PARP10: variants seen among roughly 807,000 people sequenced by gnomAD.
PARP10 encodes the protein poly(ADP-ribose) polymerase family member 10.
In PARP10, 56 loss-of-function variants were observed where a neutral mutation model predicts 82.4. That is an observed-to-expected ratio of 0.68 (90% confidence interval 0.55 to 0.85). The LOEUF (loss-of-function observed/expected upper bound fraction) is 0.85. Among genes scored for constraint, PARP10 ranks in the 40% least tolerant of loss-of-function variants. The probability of loss-of-function intolerance (pLI) is 0.00; values close to 1 mark genes in which losing one functional copy is unlikely to be tolerated. For synonymous variants in PARP10, 576 were observed against 601.1 expected (o/e 0.96, Z 0.61); for missense variants, 1,227 against 1,379.4 (o/e 0.89, Z 1.75).
chr8:143,993,718 G>A (rs147947145), upstream of PARP10, among the ~76,000 whole-genome samples: 1,558 of 152,322 alleles, frequency 0.01, 93 homozygotes, highest in Admixed American at 0.095. Context: ...CTCTTCTGTC[G>A]CCTGGGCCAG....
In PARP10 at chr8:143,977,732, A is replaced by T; in HGVS notation, c.2830T>A (p.Phe944Ile). The T allele has an allele frequency of 6.2e-7, 1 of 1,601,468 alleles. No homozygotes were observed. Among genetic ancestry groups the T allele is most frequent in the Non-Finnish European group, 8.5e-7 (1 of 1,174,874 alleles). Residue 944 changes from phenylalanine (F) to isoleucine (I), a missense_variant, in exon 11 of 11, where the codon TTC (phenylalanine) becomes ATC (isoleucine). Coordinates refer to ENST00000313028, the MANE Select transcript of PARP10 (RefSeq NM_032789.5). ...TCGCCAGTCAGCACCCGTGCCACGA[A>T]CACCGCCTTATGGCCATCGGCGTTG... ...PPNADGHKAV[F>I]VARVLTGDYG...
Position 143,984,204 on chromosome 8 carries a change from C to A in PARP10, c.1680+6G>T, listed in dbSNP as rs186868960. The stretch of plus-strand genomic sequence containing the variant: ...GGGGAGGGCAGGGGTGGGACTCCAT[C>A]TCTACCTCTTCAAGGCCTGTGTCCA... On this transcript the variant is annotated splice_donor_region_variant and intron_variant, in intron 6 of 10. Coordinates refer to ENST00000313028, the MANE Select transcript of PARP10 (RefSeq NM_032789.5). The A allele has an allele frequency of 6.2e-6, 10 of 1,610,890 alleles. No homozygotes were observed. In the East Asian group the frequency reaches 2.0e-4, roughly 32 times the overall value.
intron 1 of PARP10, among the ~76,000 whole-genome samples, chr8:144,001,351 C>T (rs1834201334): frequency 6.6e-6 from 1 of 152,178 alleles, no homozygotes; most frequent in Non-Finnish European, 1.5e-5. Flanking sequence ...TCTCAAGTAC[C>T]TGGGATTACA....
At chr8:143,992,895 C>T (rs1834125131), upstream of PARP10, 6 of 1,539,758 alleles carry the variant, frequency 3.9e-6, no homozygotes, top group Middle Eastern at 5.1e-4. Context: ...CTGGACCCTG[C>T]CCCTGGCACG....
At chr8:143,993,611 C>G (rs1834135729), upstream of PARP10, among the ~76,000 whole-genome samples, 1 of 152,224 alleles carries the variant, frequency 6.6e-6, no homozygotes, top group Admixed American at 6.5e-5. Flanking sequence ...CTGGGGTGCC[C>G]AGAGTGAGTT....
intron 9 of PARP10, among the ~76,000 whole-genome samples, chr8:143,981,445 TGAC>T (rs1564248650): frequency 1.4e-4 from 8 of 55,568 alleles, no homozygotes; most frequent in African/African-American, 8.7e-4. Flanking sequence ...ATGATGGTGG[TGAC>T]GACAGTGAGT....
intron 9 of PARP10, among the ~76,000 whole-genome samples, chr8:143,981,219 G>A (rs1554747612): frequency 6.6e-6 from 1 of 152,198 alleles, no homozygotes; most frequent in African/African-American, 2.4e-5. Context: ...CCTGGTGGCG[G>A]TGAGCGGTGA....
At chr8:143,986,506 G>C, upstream of PARP10, 1 of 1,276,618 alleles carries the variant, frequency 7.8e-7, no homozygotes, top group South Asian at 1.3e-5. Flanking sequence ...GGCCCTGGGC[G>C]CTGAGGCCTG....
intron 9 of PARP10, among the ~76,000 whole-genome samples, chr8:143,981,292 CGGTGGTGGTGGTAGT>C (rs880002037): frequency 4.6e-5 from 7 of 151,058 alleles, no homozygotes; most frequent in Non-Finnish European, 7.4e-5. Context: ...ATGGTGGCCA[CGGTGGTGGTGGTAGT>C]GGTGGTGGTG....
chr8:143,990,971 C>T (rs1370113156), upstream of PARP10: 2 of 296,258 alleles, frequency 6.8e-6, no homozygotes, highest in African/African-American at 4.4e-5. The surrounding 1 kb of genome is among the most constrained non-coding windows in gnomAD (Gnocchi z 5.6). Context: ...GGCCCCTCCC[C>T]CACCCTAAAG....
At chr8:144,010,356 G>T (rs782399909) in intron 1 of PARP10, among the ~76,000 whole-genome samples, 1 of 152,224 alleles carries the variant, frequency 6.6e-6, no homozygotes, top group Non-Finnish European at 1.5e-5. Context: ...GCCAACATAT[G>T]TTTTCGGATG....
intron 3 of PARP10, 35 bp downstream of exon 3, chr8:143,985,686 C>T (rs1564253419): frequency 6.2e-7 from 1 of 1,602,550 alleles, no homozygotes; most frequent in Non-Finnish European, 8.5e-7. Context: ...GGAATCCCCC[C>T]TAGCCAGCAC....
At chr8:144,009,498 T>A (rs1312442068) in intron 1 of PARP10, among the ~76,000 whole-genome samples, 1 of 152,114 alleles carries the variant, frequency 6.6e-6, no homozygotes, top group Non-Finnish European at 1.5e-5. Context: ...AGGCTTATTC[T>A]CTCTCATTCG....
At chr8:143,999,805 C>G (rs887398108) in intron 1 of PARP10, among the ~76,000 whole-genome samples, 1 of 151,930 alleles carries the variant, frequency 6.6e-6, no homozygotes, top group Non-Finnish European at 1.5e-5. Context: ...CAGGTTTAAG[C>G]AAATTAGAGA....
chr8:143,980,103 T>C (rs62530285), intron 9 of PARP10, among the ~76,000 whole-genome samples: 68,096 of 149,320 alleles, frequency 0.46, 16,570 homozygotes, highest in African/African-American at 0.63. Flanking sequence ...GGGCAGATCA[T>C]GAGGTCAGGA....
Position 143,986,438 on chromosome 8 carries a change from G to T in PARP10, c.-79C>A, listed in dbSNP as rs368695079. The T allele has an allele frequency of 3.1e-5, 50 of 1,610,100 alleles. No homozygotes were observed. The highest frequency in any genetic ancestry group is 2.4e-4 in the African/African-American group (18 of 74,834). On this transcript the variant is annotated 5_prime_UTR_variant, in exon 1 of 11. Coordinates refer to ENST00000313028, the MANE Select transcript of PARP10 (RefSeq NM_032789.5). ...CCTGCCCCTCAGCAAGCCTAACCCT[G>T]CTGGGAGCAGGAAAACAAAAGTGAA...
At chr8:143,999,088 C>A (rs1458688178) in intron 1 of PARP10, among the ~76,000 whole-genome samples, 4 of 151,472 alleles carry the variant, frequency 2.6e-5, no homozygotes, top group African/African-American at 9.7e-5. Flanking sequence ...GTTGACCATG[C>A]TGGAGTACAG....
chr8:143,992,631 C>G (rs782392315), upstream of PARP10: 1 of 1,614,016 alleles, frequency 6.2e-7, no homozygotes, highest in Non-Finnish European at 8.5e-7. Flanking sequence ...TGACCTTGGC[C>G]GGGGGCGGGA....
At position 143,985,108 on chromosome 8, in the gene PARP10, G is replaced by T. The variant is rs376883893; in HGVS notation, c.894C>A (p.Gly298=). 11 of 1,613,660 alleles carry T rather than the reference G, an allele frequency of 6.8e-6. No homozygotes were observed. The highest frequency in any genetic ancestry group is 1.1e-5 in the South Asian group (1 of 91,080). The change falls in exon 5 of 11, where the codon GGC becomes GGA. Residue 298 remains glycine (G), a synonymous_variant. Coordinates refer to ENST00000313028, the MANE Select transcript of PARP10 (RefSeq NM_032789.5). ...AGGCCCCTGACTGCCCTGGTTCCTCGCCAGAGCCCATTGTCACAGTCCCTG... is the reference window on the plus strand; with the variant it reads ...AGGCCCCTGACTGCCCTGGTTCCTCTCCAGAGCCCATTGTCACAGTCCCTG... ...QGAGTVTMGS[G]EEPGQSGASL... is the part of the protein sequence containing the mutation.
Sources: allele counts gnomAD v4.1 joint callset (sites outside exome capture counted in the v4.1 genomes callset), GRCh38; gene constraint gnomAD v4.1.1; non-coding constraint Gnocchi (gnomAD v3.1); transcripts MANE v1.5; gene names NCBI Gene and HGNC (gene_info 2026-07-23, HGNC 2026-07-21).